Variants in PHGDH observed in about 807,000 individuals in gnomAD.
The protein encoded by PHGDH is phosphoglycerate dehydrogenase.
A neutral mutation model predicts 52.6 loss-of-function variants in PHGDH; 50 were observed. That is an observed-to-expected ratio of 0.95 (90% CI 0.76 to 1.20). The LOEUF is 1.20. PHGDH is among the 50% of genes most tolerant of loss of function. PHGDH has a pLI of 0.00. For synonymous variants in PHGDH, 271 were observed against 280.5 expected, an observed-to-expected ratio of 0.97 and a Z score of 0.34; for missense variants, 630 against 684.6, an observed-to-expected ratio of 0.92 and a Z score of 0.89.
chr1:119,742,301 C>T (rs115897487), intron 10 of PHGDH: 8 of 359,430 alleles, frequency 2.2e-5, no homozygotes, highest in South Asian at 4.9e-5. Flanking sequence ...CTGCCTTGCA[C>T]GGCTTCCCGT....
chr1:119,736,310 C>T (rs1433620322), intron 7 of PHGDH, among the ~76,000 whole-genome samples: 1 of 152,166 alleles, frequency 6.6e-6, no homozygotes, highest in Admixed American at 6.5e-5. Flanking sequence ...TCCTCCCTAA[C>T]ACAGCACCTT....
intron 7 of PHGDH, among the ~76,000 whole-genome samples, chr1:119,735,836 A>G (rs1651909303): frequency 1.3e-5 from 2 of 152,180 alleles, no homozygotes; most frequent in Admixed American, 1.3e-4. Context: ...TGCCAAGAAA[A>G]TGTCCTTTTC....
At chr1:119,729,015 T>C (rs1250290058) in intron 5 of PHGDH, among the ~76,000 whole-genome samples, 3 of 152,216 alleles carry the variant, frequency 2.0e-5, no homozygotes, top group Admixed American at 6.5e-5. Context: ...AAATGGACAG[T>C]AGCCTAGAGC....
rs778892967 is a variant in PHGDH, at chr1:119,737,260, G to T, written c.939G>T (p.Thr313=). The T allele has an allele frequency of 6.2e-7, 1 of 1,613,374 alleles. No individual in the cohort carries two copies. Among genetic ancestry groups the T allele is most frequent in the Non-Finnish European group, 8.5e-7 (1 of 1,179,348 alleles). Residue 313 remains threonine, a synonymous_variant, in exon 8 of 12, where the codon ACG becomes ACT. Coordinates refer to ENST00000641023, the MANE Select transcript of PHGDH (RefSeq NM_006623.4). ...ACATGGTGAAGGGGAAATCTCTCAC[G>T]GGGGTTGTAAGTATCACCACCTGGG... ...FVDMVKGKSL[T]GVVNAQALTS...
Position 119,737,239 on chromosome 1 carries a change from G to C in PHGDH, c.918G>C (p.Met306Ile). The C allele has an allele frequency of 1.2e-6, 2 of 1,614,148 alleles. No homozygotes were observed. Among genetic ancestry groups the C allele is most frequent in the Non-Finnish European group, 1.7e-6 (2 of 1,179,976 alleles). Residue 306 changes from methionine (M) to isoleucine (I), a missense_variant, in exon 8 of 12, where the codon ATG (methionine) becomes ATC (isoleucine). Coordinates refer to ENST00000641023, the MANE Select transcript of PHGDH (RefSeq NM_006623.4). ...GEEIAVQFVD[M>I]VKGKSLTGVV... ...AAATTGCTGTTCAGTTCGTGGACAT[G>C]GTGAAGGGGAAATCTCTCACGGGGG...
intron 3 of PHGDH, chr1:119,725,022 C>T (rs587614457): frequency 1.4e-4 from 66 of 456,398 alleles, no homozygotes; most frequent in South Asian, 9.9e-4. Context: ...GGAGAGCAGG[C>T]GTGGCTGGGC....
intron 5 of PHGDH, 109 bp downstream of exon 5, chr1:119,727,211 C>G (rs587689575): frequency 1.5e-5 from 11 of 737,720 alleles, no homozygotes; most frequent in Admixed American, 7.9e-5. Flanking sequence ...GTCTGACCCT[C>G]TCTTGGAGCC....
At chr1:119,742,472 G>A in intron 10 of PHGDH, 1 of 492,328 alleles carries the variant, frequency 2.0e-6, no homozygotes, top group Middle Eastern at 5.7e-4. Context: ...CTGATGCCGT[G>A]CAGGAGGCTG....
rs778086075 is a variant in PHGDH, at chr1:119,725,052, G to A, written c.356+1611G>A. ...CTGGGCCTCACAGTAGGGACTTTGAGCAGATGGCGGGGGCTCCTGAGGTGC... is the reference window on the plus strand; with the variant it reads ...CTGGGCCTCACAGTAGGGACTTTGAACAGATGGCGGGGGCTCCTGAGGTGC... On this transcript the variant is annotated intron_variant, in intron 3 of 11. Coordinates refer to ENST00000641023, the MANE Select transcript of PHGDH (RefSeq NM_006623.4). 276 of 454,306 alleles carry A rather than the reference G, an allele frequency of 6.1e-4. 1 individual carries two copies. Among genetic ancestry groups the A allele is most frequent in the Non-Finnish European group, 1.1e-3 (243 of 225,654 alleles). The allele number at this position is 454,306 out of a possible 1,614,324, so 28.1% of individuals were successfully genotyped here.
At chr1:119,734,086 G>C (rs934014036) in intron 5 of PHGDH, among the ~76,000 whole-genome samples, 1 of 152,056 alleles carries the variant, frequency 6.6e-6, no homozygotes, top group Non-Finnish European at 1.5e-5. Flanking sequence ...CTCCTCCTTC[G>C]CTTCTGCTCA....
At chr1:119,721,369 G>T in intron 2 of PHGDH, 48 bp downstream of exon 2, 1 of 1,581,998 alleles carries the variant, frequency 6.3e-7, no homozygotes, top group Non-Finnish European at 8.7e-7. Context: ...GGGTGAGTGC[G>T]GAGACTGACC....
intron 2 of PHGDH, among the ~76,000 whole-genome samples, chr1:119,721,925 C>T (rs1651185921): frequency 1.3e-5 from 2 of 152,242 alleles, no homozygotes; most frequent in Admixed American, 1.3e-4. Context: ...CAGAGGTCAT[C>T]AGCACGCCAG....
At chr1:119,742,421 A>C in intron 10 of PHGDH, 1 of 413,170 alleles carries the variant, frequency 2.4e-6, no homozygotes, top group South Asian at 2.3e-5. Flanking sequence ...CCATGTCCTC[A>C]CCCCTCTGCT....
intron 2 of PHGDH, among the ~76,000 whole-genome samples, chr1:119,722,097 C>T (rs587736045): frequency 6.6e-6 from 1 of 152,328 alleles, no homozygotes; most frequent in African/African-American, 2.4e-5. Context: ...GTTAATTGGT[C>T]ACCTGACTGA....
In PHGDH at chr1:119,734,594, T is replaced by G. The variant is rs1453921977; in HGVS notation, c.511-40T>G. On this transcript the variant is annotated intron_variant, in intron 5 of 11. Coordinates refer to ENST00000641023, the MANE Select transcript of PHGDH (RefSeq NM_006623.4). ...TCTTAATAATAACAATACTAATAAT[T>G]AAGAATGACACTTCCTCCCTCTCTC... is the stretch of plus-strand genomic sequence containing the variant. 1.9e-6 allele frequency: 3 copies of G among 1,603,254 alleles called. No homozygotes were observed. In the Admixed American group the frequency reaches 5.0e-5, roughly 27 times the overall value.
chr1:119,733,700 T>A (rs1476615622), intron 5 of PHGDH, among the ~76,000 whole-genome samples: 1 of 152,232 alleles, frequency 6.6e-6, no homozygotes, highest in Non-Finnish European at 1.5e-5. Context: ...ATGAATAATG[T>A]AGTAGAAAAC....
intron 3 of PHGDH, among the ~76,000 whole-genome samples, chr1:119,723,703 C>T (rs587766101): frequency 5.9e-5 from 9 of 151,952 alleles, no homozygotes; most frequent in Non-Finnish European, 1.0e-4. Flanking sequence ...AATCTGCCTT[C>T]TCTAGCCTCC....
At chr1:119,713,407 T>A (rs1252739052) in intron 1 of PHGDH, 1 of 152,278 alleles carries the variant, frequency 6.6e-6, no homozygotes. Flanking sequence ...TATATCCAAG[T>A]ATCCAGCTCT....
intron 11 of PHGDH, among the ~76,000 whole-genome samples, chr1:119,743,570 G>A (rs867124973): frequency 4.6e-5 from 7 of 152,196 alleles, no homozygotes; most frequent in Admixed American, 2.0e-4. Context: ...ACCCTGAAGG[G>A]CCTAATTTCA....
Sources: gnomAD v4.1 joint callset for allele counts (sites outside exome capture counted in the v4.1 genomes callset) on GRCh38, gnomAD v4.1.1 for gene constraint, MANE v1.5 for transcripts, NCBI Gene and HGNC (gene_info 2026-07-23, HGNC 2026-07-21) for gene names.